Variants in NCOA2 observed in about 807,000 individuals in gnomAD.
The protein encoded by NCOA2 is nuclear receptor coactivator 2, also known as class E basic helix-loop-helix protein 75.
In NCOA2, 21 loss-of-function variants were observed where a neutral mutation model predicts 145.1. The ratio of observed to expected loss-of-function variants is 0.14; its 90% CI spans 0.10 to 0.21. NCOA2 has a LOEUF of 0.21. Ranked by LOEUF, NCOA2 falls within the 10% of genes least tolerant of loss-of-function variation. NCOA2 has a pLI of 1.00. For synonymous variants in NCOA2, 619 were observed against 637.5 expected, an observed-to-expected ratio of 0.97 and a Z score of 0.44; for missense variants, 1,472 against 1,837.6, an observed-to-expected ratio of 0.80 and a Z score of 3.64.
chr8:70,325,962 G>T (rs1448167571), intron 1 of NCOA2, among the ~76,000 whole-genome samples: 1 of 152,050 alleles, frequency 6.6e-6, no homozygotes, highest in Non-Finnish European at 1.5e-5. Context: ...CATTCTAATA[G>T]CAGAGGCAGC....
At chr8:70,295,553 T>G (rs1359549196) in intron 2 of NCOA2, among the ~76,000 whole-genome samples, 1 of 152,200 alleles carries the variant, frequency 6.6e-6, no homozygotes, top group Non-Finnish European at 1.5e-5. Context: ...TTAAGCATAT[T>G]TGGATACACA....
chr8:70,260,112 T>C (rs1823988991), intron 2 of NCOA2, among the ~76,000 whole-genome samples: 2 of 152,162 alleles, frequency 1.3e-5, no homozygotes, highest in Admixed American at 6.5e-5. Flanking sequence ...TAAAGATCCA[T>C]TTTCCAGTAG....
At chr8:70,452,576 G>A in the NCOA2 span, among the ~76,000 whole-genome samples, 6 of 152,144 alleles carry the variant, frequency 3.9e-5, no homozygotes, top group African/African-American at 1.2e-4. Flanking sequence ...ACTGCTTAAT[G>A]TGTGTGGGGT....
chr8:70,266,274 T>TGA (rs1271783825), intron 2 of NCOA2, among the ~76,000 whole-genome samples: 1 of 152,242 alleles, frequency 6.6e-6, no homozygotes, highest in Non-Finnish European at 1.5e-5. Context: ...GTGATCCTCC[T>TGA]ACCTTAGCCA....
intron 6 of NCOA2, among the ~76,000 whole-genome samples, chr8:70,168,159 A>C (rs572796591): frequency 1.4e-4 from 22 of 152,334 alleles, no homozygotes; most frequent in African/African-American, 5.0e-4. Context: ...AGTGAACCCA[A>C]AGAGCCCATG....
At chr8:70,144,590 C>T (rs997614175) in intron 13 of NCOA2, 52 bp downstream of exon 13, 1 of 1,421,108 alleles carries the variant, frequency 7.0e-7, no homozygotes, top group Middle Eastern at 1.8e-4. Flanking sequence ...GATAAATATA[C>T]CATTAAATTA....
At chr8:70,190,892 TA>T (rs1816609028) in intron 4 of NCOA2, among the ~76,000 whole-genome samples, 1 of 152,124 alleles carries the variant, frequency 6.6e-6, no homozygotes, top group Admixed American at 6.6e-5. Context: ...TTCAAATGAC[TA>T]CATTATAAAT....
At chr8:70,299,490 T>C (rs986946846) in intron 1 of NCOA2, among the ~76,000 whole-genome samples, 3 of 152,160 alleles carry the variant, frequency 2.0e-5, no homozygotes, top group African/African-American at 7.2e-5. Context: ...AACTTAATAA[T>C]AGGACAAATA....
At chr8:70,138,401 A>G in intron 14 of NCOA2, 69 bp from the exon 15 acceptor site, 1 of 1,400,090 alleles carries the variant, frequency 7.1e-7, no homozygotes, top group Non-Finnish European at 9.5e-7. Flanking sequence ...TATGTAATAT[A>G]AAGTGAAATG....
At chr8:70,198,139 T>A (rs1031012968) in intron 4 of NCOA2, among the ~76,000 whole-genome samples, 11 of 152,136 alleles carry the variant, frequency 7.2e-5, no homozygotes, top group Non-Finnish European at 1.5e-4. Context: ...AAGTATCTCT[T>A]ATGTACAAGA....
intron 7 of NCOA2, among the ~76,000 whole-genome samples, chr8:70,165,572 T>A (rs1446547891): frequency 6.6e-6 from 1 of 152,124 alleles, no homozygotes; most frequent in African/African-American, 2.4e-5. Flanking sequence ...TGTATTAGAG[T>A]GACACTCAGC....
intron 7 of NCOA2, among the ~76,000 whole-genome samples, chr8:70,164,348 T>C (rs1813380157): frequency 6.6e-6 from 1 of 152,224 alleles, no homozygotes; most frequent in Admixed American, 6.5e-5. Context: ...TAAAAAACAC[T>C]GGACAAATGC....
chr8:70,232,953 G>A (rs901034541), intron 2 of NCOA2, among the ~76,000 whole-genome samples: 2 of 151,704 alleles, frequency 1.3e-5, no homozygotes, highest in East Asian at 1.9e-4. Context: ...TCGGCCAGGC[G>A]CGGTAGCTCA....
chr8:70,251,530 A>T (rs1433494171), intron 2 of NCOA2, among the ~76,000 whole-genome samples: 1 of 152,352 alleles, frequency 6.6e-6, no homozygotes, highest in Non-Finnish European at 1.5e-5. Context: ...GCCTTTAAAA[A>T]TGTATTTACT....
At chr8:70,206,313 TCTCA>T (rs1349922760) in intron 4 of NCOA2, among the ~76,000 whole-genome samples, 1 of 152,238 alleles carries the variant, frequency 6.6e-6, no homozygotes, top group Non-Finnish European at 1.5e-5. Flanking sequence ...TGTGAGTCTC[TCTCA>T]CTGTCTTTCA....
At chr8:70,333,413 T>C (rs1372498926) in intron 1 of NCOA2, among the ~76,000 whole-genome samples, 1 of 152,200 alleles carries the variant, frequency 6.6e-6, no homozygotes, top group East Asian at 1.9e-4. Flanking sequence ...CTGCCAGCAA[T>C]GGGCAGTTCT....
At chr8:70,344,535 TA>T (rs1221451100) in intron 1 of NCOA2, among the ~76,000 whole-genome samples, 1 of 152,210 alleles carries the variant, frequency 6.6e-6, no homozygotes, top group Non-Finnish European at 1.5e-5. Context: ...TCTAGATTTC[TA>T]AGGATTTTAG....
At chr8:70,152,548 C>G (rs557128707) in intron 11 of NCOA2, among the ~76,000 whole-genome samples, 1 of 152,272 alleles carries the variant, frequency 6.6e-6, no homozygotes, top group Non-Finnish European at 1.5e-5. Context: ...TATTTCCAAA[C>G]CCTTATCATA....
Position 70,156,800 on chromosome 8 carries a change from C to T in NCOA2, c.1565G>A (p.Ser522Asn), listed in dbSNP as rs1221412688. 6.2e-7 allele frequency: 1 copy of T among 1,614,004 alleles called. No homozygotes were observed. The highest frequency in any genetic ancestry group is 1.7e-5 in the Admixed American group (1 of 60,014). Reference protein sequence around the residue: ...SLHSPVGVCSSTGNSHSYTNS... With the variant: ...SLHSPVGVCSNTGNSHSYTNS... ...GGTATAACTATGGCTATTTCCTGTG[C>T]TGCTGCAAACTCCCACAGGGGAATG... Residue 522 changes from serine to asparagine, a missense_variant, in exon 11 of 23, where the codon AGC becomes AAC. Ser to Asn is a conservative substitution (Grantham distance 46). Around this residue, in one of 4 missense-constraint regions of NCOA2, gnomAD observed 953 missense variants for 1,062.1 expected, o/e 0.90. Transcript: ENST00000452400.
Sources: gnomAD v4.1 joint callset for allele counts (sites outside exome capture counted in the v4.1 genomes callset) on GRCh38, gnomAD v4.1.1 for gene constraint, gnomAD v4.1.1 regional missense constraint, MANE v1.5 for transcripts, NCBI Gene and HGNC (gene_info 2026-07-23, HGNC 2026-07-21) for gene names.